Variants in ZYG11B observed in about 807,000 individuals in gnomAD.
ZYG11B encodes the protein protein zyg-11 homolog B.
Under a neutral mutation model 82.4 loss-of-function variants are expected in ZYG11B, and 36 were observed. The observed-to-expected ratio is 0.44, with a 90% CI of 0.33 to 0.58. The LOEUF (loss-of-function observed/expected upper bound fraction) is 0.58. Ranked by LOEUF, ZYG11B falls within the 20% of genes least tolerant of loss-of-function variation. The pLI is 0.02. For missense variants in ZYG11B, 552 were observed against 895.6 expected (o/e 0.62, Z 4.90); for synonymous variants, 303 against 312.8 (o/e 0.97, Z 0.33).
chr1:52,726,667 A>G lies in ZYG11B; in HGVS notation c.14A>G (p.Gln5Arg), dbSNP rs956417755. Residue 5 changes from glutamine to arginine, a missense_variant, in exon 1 of 14, where the codon CAG becomes CGG. Physicochemically the swap from Gln to Arg is conservative, Grantham distance 43 (BLOSUM62 1). Coordinates refer to ENST00000294353, the MANE Select transcript of ZYG11B (RefSeq NM_024646.3). The part of the protein sequence containing the change: MPED[Q>R]AGAAMEEASP... ...GACGGAGGCTGCATGCCCGAGGACC[A>G]GGCCGGCGCAGCCATGGTGAGGGAG... 8.8e-6 allele frequency: 13 copies of G among 1,478,414 alleles called. No homozygotes were observed. Among genetic ancestry groups the G allele is most frequent in the Admixed American group, 4.6e-5 (2 of 43,066 alleles). 91.6% of individuals were successfully genotyped at this position (1,478,414 alleles called of 1,614,324 possible).
chr1:52,756,740 C>T, intron 2 of ZYG11B, 117 bp downstream of exon 2: 2 of 921,606 alleles, frequency 2.2e-6, no homozygotes, highest in Non-Finnish European at 3.2e-6. Flanking sequence ...CCAAATGAGC[C>T]TGATTCCAGG....
At position 52,801,191 on chromosome 1, in the gene ZYG11B, A is replaced by G. The variant is rs117506605; in HGVS notation, c.1486-628A>G. Among the ~76,000 whole-genome samples the G allele has an allele frequency of 6.6e-5, 10 of 152,286 alleles. No homozygotes were observed. In the East Asian group the frequency reaches 1.9e-3, roughly 29 times the overall value. On this transcript the variant is annotated intron_variant, in intron 8 of 13. Transcript: ENST00000294353. ...AAATAAGAAAAAGGAAGACAGAGGT[A>G]CTGCAGCATCTGCTCTCAGGGAAGG...
Position 52,779,960 on chromosome 1 carries a change from T to C in ZYG11B, c.1059T>C (p.His353=), listed in dbSNP as rs748763328. The C allele has an allele frequency of 3.1e-6, 5 of 1,613,704 alleles. No homozygotes were observed. The South Asian group carries it at 3.3e-5, about 11-fold the overall frequency. ...TATTTCATCTTTTTAGTCTGACTCA[T>C]GTGATGGAAAAAACAAAGCCAGAAA... The part of the protein sequence containing the change: ...EALFHLFSLT[H]VMEKTKPEIL... The change falls in exon 4 of 14, where the codon CAT becomes CAC. Residue 353 remains histidine (H), a synonymous_variant. Transcript: ENST00000294353.
rs1258522364 is a variant in ZYG11B at position 52,799,499 on chromosome 1, C to A, written c.1486-2320C>A. The stretch of plus-strand genomic sequence containing the variant: ...AAGGCTCTGTCTCAAAAAAAAAAAA[C>A]AAAAGAAAGAAAAAAATAGCTGGGC... On this transcript the variant is annotated intron_variant, in intron 8 of 13. Transcript: ENST00000294353. Among the ~76,000 whole-genome samples the A allele has an allele frequency of 3.7e-5, 5 of 135,580 alleles. No individual in the cohort carries two copies. The South Asian group carries it at 7.1e-4, about 19-fold the overall frequency. The allele number at this position is 135,580 out of a possible 152,430, so 88.9% of individuals were successfully genotyped here.
At position 52,821,549 on chromosome 1, in the gene ZYG11B, C is replaced by T. The variant is rs1254688307; in HGVS notation, c.2155C>T (p.Leu719=). The change falls in exon 14 of 14, where the codon CTG becomes TTG. Residue 719 remains leucine, a synonymous_variant. Transcript: ENST00000294353. Reference sequence around the variant, plus strand: ...TGTCCAACAGATTGCTGTGGCCATTCTGGATAGCTTAGAAAAACACATTGT... The same window carrying T: ...TGTCCAACAGATTGCTGTGGCCATTTTGGATAGCTTAGAAAAACACATTGT... The part of the protein sequence containing the change: ...PHVQQIAVAI[L]DSLEKHIVRH... The T allele has an allele frequency of 6.2e-7, 1 of 1,613,944 alleles. No homozygotes were observed. Among genetic ancestry groups the T allele is most frequent in the African/African-American group, 1.3e-5 (1 of 74,878 alleles).
At chr1:52,758,430 T>C (rs551563301) in intron 2 of ZYG11B, among the ~76,000 whole-genome samples, 48 of 152,178 alleles carry the variant, frequency 3.2e-4, no homozygotes, top group African/African-American at 1.1e-3. Flanking sequence ...ATAGATAAAC[T>C]GAGGTTCAGA....
Position 52,796,706 on chromosome 1 carries a change from A to G in ZYG11B, c.1435-28A>G. On this transcript the variant is annotated intron_variant, in intron 7 of 13. Coordinates refer to ENST00000294353, the MANE Select transcript of ZYG11B (RefSeq NM_024646.3). The stretch of plus-strand genomic sequence containing the variant: ...AACTCACATTAATGAGTTCTTGGAC[A>G]TTGAATTTGTTTTTTACTTGCTTGC... 4 of 1,585,046 alleles carry G rather than the reference A, an allele frequency of 2.5e-6. No individual in the cohort carries two copies. In the South Asian group the frequency reaches 3.4e-5, roughly 14 times the overall value.
At chr1:52,727,195 C>T (rs1209096412) in intron 1 of ZYG11B, among the ~76,000 whole-genome samples, 1 of 152,022 alleles carries the variant, frequency 6.6e-6, no homozygotes, top group Non-Finnish European at 1.5e-5. Context: ...ATCGGATGTC[C>T]TCGCTCGGTT....
chr1:52,813,136 G>A (rs1209575914), intron 10 of ZYG11B, among the ~76,000 whole-genome samples: 2 of 152,188 alleles, frequency 1.3e-5, no homozygotes, highest in African/African-American at 4.8e-5. Context: ...ATCCCTGTGT[G>A]ACTTTAGGAT....
At chr1:52,727,574 G>A (rs893847216) in intron 1 of ZYG11B, among the ~76,000 whole-genome samples, 3 of 152,104 alleles carry the variant, frequency 2.0e-5, no homozygotes, top group Non-Finnish European at 2.9e-5. Flanking sequence ...TACAAGCTTG[G>A]CTATTATTAC....
intron 3 of ZYG11B, among the ~76,000 whole-genome samples, chr1:52,774,562 C>T (rs926135667): frequency 6.7e-6 from 1 of 148,168 alleles, no homozygotes; most frequent in South Asian, 2.1e-4. Flanking sequence ...CTGCCTCGGC[C>T]TCCTAAAGTG....
chr1:52,748,722 G>T (rs111239877), intron 1 of ZYG11B, among the ~76,000 whole-genome samples: 3 of 152,060 alleles, frequency 2.0e-5, no homozygotes, highest in African/African-American at 4.8e-5. Context: ...AATTAGCTGG[G>T]CGTGGTGCAC....
chr1:52,747,072 A>T (rs1422521888), intron 1 of ZYG11B, among the ~76,000 whole-genome samples: 1 of 151,840 alleles, frequency 6.6e-6, no homozygotes, highest in Non-Finnish European at 1.5e-5. Flanking sequence ...CATATACAAA[A>T]TGGTATCTAG....
At chr1:52,801,781 C>G (rs771137122) in intron 8 of ZYG11B, 38 bp from the exon 9 acceptor site, 1 of 1,523,356 alleles carries the variant, frequency 6.6e-7, no homozygotes, top group Non-Finnish European at 8.9e-7. Flanking sequence ...AATAACAGTT[C>G]AAAAGTGAAA....
In ZYG11B at chr1:52,726,506, T is replaced by TGCTACG. The variant is rs1644284990; in HGVS notation, c.-147_-142dup. The TGCTACG allele has an allele frequency of 7.2e-6, 5 of 691,530 alleles. No individual in the cohort carries two copies. Among genetic ancestry groups the TGCTACG allele is most frequent in the Middle Eastern group, 4.6e-4 (1 of 2,156 alleles). 42.8% of individuals were successfully genotyped at this position (691,530 alleles called of 1,614,324 possible). A position where few individuals can be genotyped will look rare whatever the true frequency, so the allele number is the denominator to read the frequency against. ...CTGCGGCTGCGGCTGCGGCTGCTACTGCTACGCTCCTAGCTTGAGGGAAAG... is the reference window on the plus strand; with the variant it reads ...CTGCGGCTGCGGCTGCGGCTGCTACTGCTACGGCTACGCTCCTAGCTTGAGGGAAAG... On this transcript the variant is annotated 5_prime_UTR_variant, in exon 1 of 14. Transcript: ENST00000294353.
At chr1:52,748,086 A>G (rs908217333) in intron 1 of ZYG11B, among the ~76,000 whole-genome samples, 11 of 152,212 alleles carry the variant, frequency 7.2e-5, no homozygotes, top group Non-Finnish European at 1.5e-4. Context: ...TTAAAAATAT[A>G]AACTTTGGCC....
At chr1:52,726,762 G>A in intron 1 of ZYG11B, 79 bp downstream of exon 1, 1 of 1,348,800 alleles carries the variant, frequency 7.4e-7, no homozygotes, top group Non-Finnish European at 9.6e-7. Context: ...CTGCGGTCTT[G>A]CCCCTCCCTG....
intron 3 of ZYG11B, among the ~76,000 whole-genome samples, chr1:52,776,229 A>AAAAAAAAATATATATATATATATAT: frequency 3.4e-4 from 8 of 23,538 alleles, no homozygotes; most frequent in African/African-American, 6.6e-4. Context: ...TAAAAAAAAA[A>AAAAAAAAATATATATATATATATAT]ATATATATAT....
chr1:52,797,430 T>C lies in ZYG11B; in HGVS notation c.1485+646T>C, dbSNP rs569099837. On this transcript the variant is annotated intron_variant, in intron 8 of 13. Transcript: ENST00000294353. The stretch of plus-strand genomic sequence containing the variant: ...TATATATCATATATTATACATATTA[T>C]ATATAACATATATATTATATATCAT... 2.4e-4 allele frequency among the ~76,000 whole-genome samples: 22 copies of C among 92,654 alleles called. No individual in the cohort carries two copies. The South Asian group carries it at 6.0e-3, about 25-fold the overall frequency. 60.8% of individuals were successfully genotyped at this position (92,654 alleles called of 152,430 possible).
Sources: gnomAD v4.1 joint callset for allele counts (sites outside exome capture counted in the v4.1 genomes callset) on GRCh38, gnomAD v4.1.1 for gene constraint, MANE v1.5 for transcripts, NCBI Gene and HGNC (gene_info 2026-07-23, HGNC 2026-07-21) for gene names.